Variants in TTC4 observed in about 807,000 individuals in gnomAD.
TTC4 encodes the protein tetratricopeptide repeat domain 4, also known as hsp70/Hsp90 co-chaperone CNS1 homolog.
In TTC4, 36 loss-of-function variants were observed where a neutral mutation model predicts 51.9. That is an observed-to-expected ratio of 0.69 (90% confidence interval 0.53 to 0.92). The LOEUF is 0.92. Ranked by LOEUF, TTC4 falls within the 40% of genes least tolerant of loss-of-function variation. The pLI, the probability that TTC4 is intolerant of heterozygous loss-of-function variation, is 0.00. For synonymous variants in TTC4, 144 were observed against 164.2 expected, an observed-to-expected ratio of 0.88 and a Z score of 0.94; for missense variants, 399 against 454.6, an observed-to-expected ratio of 0.88 and a Z score of 1.11.
chr1:54,740,049 C>T (rs1645993255), intron 9 of TTC4, among the ~76,000 whole-genome samples: 3 of 152,066 alleles, frequency 2.0e-5, no homozygotes, highest in African/African-American at 7.2e-5. Context: ...GTGTTGTGCA[C>T]CTGTAGTCCT....
rs1449365327 is a variant in TTC4, at chr1:54,717,626, A to G, written c.364A>G (p.Asn122Asp). 1.0e-5 allele frequency: 16 copies of G among 1,606,710 alleles called. No homozygotes were observed. The Admixed American group carries it at 2.7e-4, about 28-fold the overall frequency. ...DPDLNAVLYT[N>D]RAAAQYYLGN... ...TGATTTGAATGCTGTCCTTTATACCAACCGGGCAGCAGCACAGTACTATCT... is the reference window on the plus strand; with the variant it reads ...TGATTTGAATGCTGTCCTTTATACCGACCGGGCAGCAGCACAGTACTATCT... The change falls in exon 3 of 10, where the codon AAC becomes GAC. Residue 122 changes from asparagine to aspartate, a missense_variant. Coordinates refer to ENST00000371281, the MANE Select transcript of TTC4 (RefSeq NM_004623.5).
intron 5 of TTC4, among the ~76,000 whole-genome samples, chr1:54,725,972 G>A (rs970914710): frequency 6.6e-6 from 1 of 152,172 alleles, no homozygotes; most frequent in Admixed American, 6.5e-5. Context: ...AGACTTGTAT[G>A]ATGCCATCAA....
chr1:54,725,884 G>A (rs1379278167), intron 5 of TTC4, among the ~76,000 whole-genome samples: 1 of 152,164 alleles, frequency 6.6e-6, no homozygotes, highest in African/African-American at 2.4e-5. Flanking sequence ...GCAGTAATGA[G>A]AATCATCACA....
chr1:54,728,618 T>C (rs947802819), intron 6 of TTC4, among the ~76,000 whole-genome samples, 186 bp downstream of exon 6: 6 of 152,198 alleles, frequency 3.9e-5, no homozygotes, highest in African/African-American at 1.4e-4. Context: ...GTCAGCTCTC[T>C]CATGTGCATG....
At position 54,723,990 on chromosome 1, in the gene TTC4, C is replaced by T. The variant is rs1049962158; in HGVS notation, c.594+1191C>T. ...TCTGAGCCTAGGTAATTGGGTATGG[C>T]CAGAATTTCTGAAAGTGGTATATAC... On this transcript the variant is annotated intron_variant, in intron 5 of 9. Coordinates refer to ENST00000371281, the MANE Select transcript of TTC4 (RefSeq NM_004623.5). 2.6e-5 allele frequency among the ~76,000 whole-genome samples: 4 copies of T among 152,040 alleles called. No homozygotes were observed. The East Asian group carries it at 5.8e-4, about 22-fold the overall frequency.
At chr1:54,722,129 A>ATTTTT (rs11443027) in intron 4 of TTC4, among the ~76,000 whole-genome samples, 2 of 147,006 alleles carry the variant, frequency 1.4e-5, no homozygotes. Flanking sequence ...ATAACATGAA[A>ATTTTT]TTTTTTTTTT....
intron 3 of TTC4, among the ~76,000 whole-genome samples, chr1:54,720,094 G>A (rs1018972794): frequency 6.6e-6 from 1 of 151,998 alleles, no homozygotes; most frequent in African/African-American, 2.4e-5. Context: ...TAGAGAGAGA[G>A]TCTTGCTATA....
intron 6 of TTC4, among the ~76,000 whole-genome samples, chr1:54,730,224 C>T (rs913933181): frequency 1.1e-4 from 17 of 150,910 alleles, no homozygotes; most frequent in Non-Finnish European, 2.1e-4. Context: ...GGGATTTGTT[C>T]GTTTTCTTAA....
chr1:54,721,180 C>G lies in TTC4; in HGVS notation c.409C>G (p.Leu137Val), dbSNP rs754404653. 15 of 1,613,384 alleles carry G rather than the reference C, an allele frequency of 9.3e-6. No homozygotes were observed. The Admixed American group carries it at 2.0e-4, about 22-fold the overall frequency. ...TTTGTTAGGCAATTTTCGTTCTGCTCTCAATGATGTGACAGCTGCCAGAAA... is the reference window on the plus strand; with the variant it reads ...TTTGTTAGGCAATTTTCGTTCTGCTGTCAATGATGTGACAGCTGCCAGAAA... ...QYYLGNFRSA[L>V]NDVTAARKLK... Residue 137 changes from leucine (L) to valine (V), a missense_variant, in exon 4 of 10, where the codon CTC (leucine) becomes GTC (valine). This residue lies in a region of TTC4 where 316 missense variants were observed against 349.6 expected (regional missense o/e 0.90). Coordinates refer to ENST00000371281, the MANE Select transcript of TTC4 (RefSeq NM_004623.5).
chr1:54,721,871 A>G (rs1645747569), intron 4 of TTC4, among the ~76,000 whole-genome samples: 1 of 152,234 alleles, frequency 6.6e-6, no homozygotes, highest in Non-Finnish European at 1.5e-5. Context: ...GGTACTGAAC[A>G]AAGATTGGCT....
At chr1:54,718,707 G>T (rs1400840796) in intron 3 of TTC4, among the ~76,000 whole-genome samples, 1 of 152,210 alleles carries the variant, frequency 6.6e-6, no homozygotes, top group East Asian at 1.9e-4. Context: ...AGGTTCTGTA[G>T]TCGTAAATTT....
chr1:54,716,201 G>A (rs546688330), intron 1 of TTC4, 182 bp downstream of exon 1: 1 of 604,098 alleles, frequency 1.7e-6, no homozygotes, highest in East Asian at 2.9e-5. Flanking sequence ...TGAGAACCTA[G>A]GTTTTGGAGT....
intron 7 of TTC4, among the ~76,000 whole-genome samples, chr1:54,732,292 G>A (rs1354474784): frequency 1.6e-5 from 2 of 127,402 alleles, no homozygotes; most frequent in East Asian, 2.4e-4. Context: ...CTACACTCCA[G>A]CCTGGGTGAC....
At chr1:54,716,398 G>C (rs1392650694) in intron 1 of TTC4, among the ~76,000 whole-genome samples, 1 of 152,166 alleles carries the variant, frequency 6.6e-6, no homozygotes, top group African/African-American at 2.4e-5. Flanking sequence ...CGCTCTTGTA[G>C]AATGTGAGAA....
chr1:54,739,477 CAGGAT>C, intron 9 of TTC4, among the ~76,000 whole-genome samples: 1 of 152,274 alleles, frequency 6.6e-6, no homozygotes. Flanking sequence ...GAGCCAATGA[CAGGAT>C]AGGAGTTGAA....
At chr1:54,720,812 T>G (rs1356900391) in intron 3 of TTC4, among the ~76,000 whole-genome samples, 2 of 152,194 alleles carry the variant, frequency 1.3e-5, no homozygotes, top group Non-Finnish European at 2.9e-5. Context: ...ATGTACAAAA[T>G]ACATGCTAAT....
At chr1:54,733,254 CA>C (rs146067647) in intron 7 of TTC4, among the ~76,000 whole-genome samples, 17,946 of 148,284 alleles carry the variant, frequency 0.12, 1,777 homozygotes, top group African/African-American at 0.27. Context: ...CCCATCTCTA[CA>C]AAAAAAAGAA....
intron 6 of TTC4, 43 bp from the exon 7 acceptor site, chr1:54,731,443 A>G (rs776421987): frequency 3.8e-6 from 6 of 1,581,580 alleles, no homozygotes; most frequent in Non-Finnish European, 5.2e-6. Context: ...CTCCCACACA[A>G]TAAGATGTGC....
chr1:54,733,889 T>G (rs1645902496), intron 8 of TTC4, among the ~76,000 whole-genome samples, 179 bp downstream of exon 8: 1 of 152,076 alleles, frequency 6.6e-6, no homozygotes, highest in South Asian at 2.1e-4. Flanking sequence ...TTAAGTACAT[T>G]CACATTGTTG....
Sources: gnomAD v4.1 joint callset for allele counts (sites outside exome capture counted in the v4.1 genomes callset) on GRCh38, gnomAD v4.1.1 for gene constraint, gnomAD v4.1.1 regional missense constraint, MANE v1.5 for transcripts, NCBI Gene and HGNC (gene_info 2026-07-23, HGNC 2026-07-21) for gene names.